Variants in TRPC4 observed in about 807,000 individuals in gnomAD.
TRPC4 encodes short transient receptor potential channel 4.
TRPC4 carries 49 observed loss-of-function variants against 99.4 expected under a neutral mutation model. The observed-to-expected ratio is 0.49, with a 90% confidence interval of 0.39 to 0.63. The LOEUF is 0.63. TRPC4 is among the 20% of genes least tolerant of loss of function. The pLI is 0.00. For synonymous variants in TRPC4, 454 were observed against 425.9 expected (o/e 1.07, Z -0.81); for missense variants, 898 against 1,152.9 (o/e 0.78, Z 3.20).
intron 1 of TRPC4, among the ~76,000 whole-genome samples, chr13:37,855,296 G>T (rs1014626502): frequency 2.1e-3 from 290 of 140,422 alleles, no homozygotes; most frequent in African/African-American, 7.5e-3. Context: ...ATACAATGTA[G>T]ATATATATAT....
chr13:37,778,933 T>C (rs9315512), intron 2 of TRPC4, among the ~76,000 whole-genome samples: 78,938 of 151,768 alleles, frequency 0.52, 21,073 homozygotes, highest in East Asian at 0.78. Context: ...CAAAGCACTG[T>C]TGCTAGACTG....
At chr13:37,722,071 A>G (rs78399508) in intron 3 of TRPC4, among the ~76,000 whole-genome samples, 4,269 of 152,290 alleles carry the variant, frequency 0.028, 186 homozygotes, top group African/African-American at 0.097. Flanking sequence ...GTATATGGAG[A>G]TATGTAAAAG....
At chr13:37,845,122 C>T (rs894804678) in intron 1 of TRPC4, among the ~76,000 whole-genome samples, 1 of 152,156 alleles carries the variant, frequency 6.6e-6, no homozygotes, top group South Asian at 2.1e-4. Flanking sequence ...AATTAGAGAA[C>T]CCAACCTTAA....
intron 3 of TRPC4, among the ~76,000 whole-genome samples, chr13:37,701,812 T>C (rs1044701065): frequency 6.6e-6 from 1 of 152,182 alleles, no homozygotes; most frequent in African/African-American, 2.4e-5. Context: ...ACTGCTATTA[T>C]TGTGGATATT....
At chr13:37,689,108 C>G (rs77801686) in intron 4 of TRPC4, among the ~76,000 whole-genome samples, 1 of 152,116 alleles carries the variant, frequency 6.6e-6, no homozygotes, top group African/African-American at 2.4e-5. Flanking sequence ...ATACCTCCCC[C>G]GAAAGGATCA....
intron 1 of TRPC4, among the ~76,000 whole-genome samples, chr13:37,808,209 C>T (rs1346425058): frequency 1.3e-5 from 2 of 151,842 alleles, no homozygotes; most frequent in African/African-American, 4.8e-5. Flanking sequence ...CAAAAAAAAG[C>T]CATGGTTCTT....
intron 1 of TRPC4, among the ~76,000 whole-genome samples, chr13:37,810,973 C>T (rs888650524): frequency 6.6e-6 from 1 of 151,944 alleles, no homozygotes; most frequent in Admixed American, 6.6e-5. Context: ...TCTTTTTTCA[C>T]ACTATTATAA....
intron 8 of TRPC4, among the ~76,000 whole-genome samples, chr13:37,642,977 G>A (rs529872956): frequency 6.6e-6 from 1 of 152,156 alleles, no homozygotes; most frequent in South Asian, 2.1e-4. Context: ...AGATCTGCCT[G>A]CCTCAATCTC....
intron 2 of TRPC4, among the ~76,000 whole-genome samples, chr13:37,769,468 C>T (rs758482916): frequency 6.6e-6 from 1 of 151,368 alleles, no homozygotes; most frequent in Non-Finnish European, 1.5e-5. Flanking sequence ...TGATTATTTC[C>T]CTTTATCATG....
intron 2 of TRPC4, among the ~76,000 whole-genome samples, chr13:37,764,114 C>T (rs1016416307): frequency 1.3e-5 from 2 of 151,506 alleles, no homozygotes; most frequent in South Asian, 4.1e-4. Context: ...TAAAAAGAAG[C>T]AACAGCTGAG....
At chr13:37,690,237 A>C (rs1953636830) in intron 4 of TRPC4, among the ~76,000 whole-genome samples, 1 of 152,206 alleles carries the variant, frequency 6.6e-6, no homozygotes, top group South Asian at 2.1e-4. Flanking sequence ...CTTTAATACC[A>C]ACTGCAATGT....
intron 3 of TRPC4, among the ~76,000 whole-genome samples, chr13:37,739,871 T>C (rs915708506): frequency 1.3e-5 from 2 of 152,134 alleles, no homozygotes; most frequent in Non-Finnish European, 2.9e-5. Flanking sequence ...CCAAATTATA[T>C]ACTCCGGTAT....
chr13:37,824,621 G>A (rs1158013318), intron 1 of TRPC4, among the ~76,000 whole-genome samples: 1 of 152,022 alleles, frequency 6.6e-6, no homozygotes, highest in Non-Finnish European at 1.5e-5. Context: ...CAGGGATGAA[G>A]CCCACTTGAC....
At chr13:37,709,933 G>C (rs1954421794) in intron 3 of TRPC4, among the ~76,000 whole-genome samples, 1 of 151,910 alleles carries the variant, frequency 6.6e-6, no homozygotes, top group Non-Finnish European at 1.5e-5. Flanking sequence ...TTGTGCCTGT[G>C]TTATTTTATG....
intron 3 of TRPC4, among the ~76,000 whole-genome samples, chr13:37,737,876 A>C (rs1489384497): frequency 6.6e-6 from 1 of 152,184 alleles, no homozygotes; most frequent in African/African-American, 2.4e-5. Flanking sequence ...CCCTTAGATG[A>C]TCAGAAATTT....
chr13:37,866,697 T>C (rs980887265), intron 1 of TRPC4, among the ~76,000 whole-genome samples: 2 of 151,742 alleles, frequency 1.3e-5, no homozygotes, highest in South Asian at 2.1e-4. Flanking sequence ...TCTCTTAAAA[T>C]ATTGCGGGGT....
intron 1 of TRPC4, among the ~76,000 whole-genome samples, chr13:37,828,524 C>T (rs1035306976): frequency 1.3e-5 from 2 of 152,166 alleles, no homozygotes; most frequent in Non-Finnish European, 2.9e-5. Context: ...ACCATAAAGA[C>T]ATGCATGTGT....
intron 3 of TRPC4, among the ~76,000 whole-genome samples, chr13:37,705,423 T>C (rs1954239633): frequency 6.6e-6 from 1 of 152,070 alleles, no homozygotes; most frequent in Non-Finnish European, 1.5e-5. Context: ...TTGAAGATCA[T>C]TGAGAGTATA....
At chr13:37,831,071 G>A (rs926716274) in intron 1 of TRPC4, among the ~76,000 whole-genome samples, 2 of 151,770 alleles carry the variant, frequency 1.3e-5, no homozygotes, top group Non-Finnish European at 2.9e-5. Context: ...CGCTCTGTTA[G>A]TTGTTTCTTT....
Sources: gnomAD v4.1 joint callset for allele counts (sites outside exome capture counted in the v4.1 genomes callset) on GRCh38, gnomAD v4.1.1 for gene constraint, MANE v1.5 for transcripts, NCBI Gene and HGNC (gene_info 2026-07-23, HGNC 2026-07-21) for gene names.